Variants in TTC7A observed in about 807,000 individuals in gnomAD.
The protein encoded by TTC7A is tetratricopeptide repeat domain 7A, also known as tetratricopeptide repeat protein 7A.
A neutral mutation model predicts 103.7 loss-of-function variants in TTC7A; 110 were observed. The observed-to-expected ratio is 1.06, with a 90% confidence interval of 0.91 to 1.24. The LOEUF is 1.24. Ranked by LOEUF, TTC7A falls within the 50% of genes most tolerant of loss-of-function variation. The pLI is 0.00. For missense variants in TTC7A, 1,340 were observed against 1,116.3 expected (o/e 1.20, Z -2.86); for synonymous variants, 521 against 467.9 (o/e 1.11, Z -1.47).
chr2:47,058,074 G>T (rs1251985263), intron 18 of TTC7A, among the ~76,000 whole-genome samples: 1 of 152,196 alleles, frequency 6.6e-6, no homozygotes, highest in Non-Finnish European at 1.5e-5. Flanking sequence ...CAGCAAAGCG[G>T]AGAGGGAGAG....
chr2:47,037,346 A>G (rs1055841850), intron 15 of TTC7A, among the ~76,000 whole-genome samples: 5 of 152,156 alleles, frequency 3.3e-5, no homozygotes, highest in Non-Finnish European at 7.3e-5. Context: ...GCTGCTAGAC[A>G]ATGGGAGGGA....
intron 5 of TTC7A, among the ~76,000 whole-genome samples, chr2:46,982,882 GC>G (rs1674615387): frequency 1.3e-5 from 2 of 152,192 alleles, no homozygotes; most frequent in East Asian, 3.9e-4. Context: ...TAGGAAGATT[GC>G]TTGAGCCCAG....
chr2:46,951,420 A>C (rs1053663632), intron 2 of TTC7A, among the ~76,000 whole-genome samples: 6 of 152,128 alleles, frequency 3.9e-5, no homozygotes, highest in South Asian at 4.2e-4. Flanking sequence ...GTTAGATTAC[A>C]ATGTATCCTG....
intron 2 of TTC7A, among the ~76,000 whole-genome samples, chr2:46,923,833 A>C (rs1669239625): frequency 6.6e-6 from 1 of 152,052 alleles, no homozygotes; most frequent in Non-Finnish European, 1.5e-5. Flanking sequence ...CCCAGGTTCA[A>C]GCAAATCTCT....
chr2:46,946,590 A>C (rs1402581987), intron 1 of TTC7A, among the ~76,000 whole-genome samples: 1 of 151,956 alleles, frequency 6.6e-6, no homozygotes, highest in Non-Finnish European at 1.5e-5. Flanking sequence ...ACATCAGCTA[A>C]CTTTTTTTGT....
At chr2:46,965,822 A>G (rs1201738229) in intron 3 of TTC7A, among the ~76,000 whole-genome samples, 2 of 151,664 alleles carry the variant, frequency 1.3e-5, no homozygotes, top group Non-Finnish European at 2.9e-5. Flanking sequence ...CTCAGCCTCC[A>G]GGAGTACTGG....
intron 8 of TTC7A, chr2:46,999,451 A>G (rs770649243): frequency 8.1e-6 from 8 of 983,590 alleles, no homozygotes; most frequent in East Asian, 1.1e-4. Context: ...TCATCTGTCT[A>G]TCCACCCACC....
upstream of TTC7A, among the ~76,000 whole-genome samples, chr2:46,940,404 C>T (rs1670228413): frequency 6.6e-6 from 1 of 152,068 alleles, no homozygotes; most frequent in African/African-American, 2.4e-5. The surrounding 1 kb of genome is among the most constrained non-coding windows in gnomAD (Gnocchi z 4.7). Flanking sequence ...GCAGCGGGGC[C>T]GGGCCCCTGT....
chr2:46,935,775 G>A (rs1312916079), intron 2 of TTC7A, among the ~76,000 whole-genome samples: 11 of 152,066 alleles, frequency 7.2e-5, no homozygotes, highest in Non-Finnish European at 1.5e-5. Flanking sequence ...TCTTGTATTG[G>A]ACCCAAGCTC....
At position 46,941,796 on chromosome 2, in the gene TTC7A, C is replaced by T; in HGVS notation, c.184+71C>T. Reference sequence around the variant, plus strand: ...CGCACCGCCTCCTCCAGGAAGCGCGCCCAGACAGTCCTCGGCCGACAGCGG... The same window carrying T: ...CGCACCGCCTCCTCCAGGAAGCGCGTCCAGACAGTCCTCGGCCGACAGCGG... On this transcript the variant is annotated intron_variant, in intron 1 of 19. Coordinates refer to ENST00000319190, the MANE Select transcript of TTC7A (RefSeq NM_020458.4). The surrounding 1 kb of genome is among the most constrained non-coding windows in gnomAD (Gnocchi z 4.2). 6.5e-7 allele frequency: 1 copy of T among 1,530,152 alleles called. No individual in the cohort carries two copies. Among genetic ancestry groups the T allele is most frequent in the Non-Finnish European group, 8.8e-7 (1 of 1,132,676 alleles). 94.8% of individuals were successfully genotyped at this position (1,530,152 alleles called of 1,614,324 possible).
intron 13 of TTC7A, 69 bp from the exon 14 acceptor site, chr2:47,024,218 G>A: frequency 7.1e-7 from 1 of 1,400,918 alleles, no homozygotes; most frequent in South Asian, 1.3e-5. Context: ...CTGGCATGCT[G>A]GAGGCCCGAG....
chr2:47,021,537 C>T (rs1187252475), intron 11 of TTC7A, among the ~76,000 whole-genome samples: 1 of 152,226 alleles, frequency 6.6e-6, no homozygotes, highest in African/African-American at 2.4e-5. Flanking sequence ...GGCACATGTT[C>T]CTGAGGCCCA....
chr2:46,971,460 G>A (rs1673348599), intron 3 of TTC7A, among the ~76,000 whole-genome samples: 1 of 152,152 alleles, frequency 6.6e-6, no homozygotes, highest in Non-Finnish European at 1.5e-5. Context: ...CAGGTAAGGT[G>A]AGGGATGAGG....
At chr2:47,001,486 G>A (rs541388112) in intron 8 of TTC7A, among the ~76,000 whole-genome samples, 2 of 152,282 alleles carry the variant, frequency 1.3e-5, no homozygotes, top group African/African-American at 4.8e-5. Flanking sequence ...AGGGTGGGGG[G>A]TGGTCAGTGG....
chr2:47,068,722 C>G (rs974010859), intron 19 of TTC7A: 5 of 151,930 alleles, frequency 3.3e-5, no homozygotes, highest in African/African-American at 1.2e-4. Flanking sequence ...TGAGCCCTGG[C>G]TCAGGACTCT....
chr2:47,013,699 A>G (rs1001536909), intron 11 of TTC7A, among the ~76,000 whole-genome samples: 2 of 152,258 alleles, frequency 1.3e-5, no homozygotes, highest in African/African-American at 2.4e-5. Context: ...ACATGGTAAT[A>G]AAATTAGGAT....
At chr2:46,950,236 T>C in intron 1 of TTC7A, 127 bp from the exon 2 acceptor site, 2 of 872,900 alleles carry the variant, frequency 2.3e-6, no homozygotes, top group African/African-American at 1.7e-5. Flanking sequence ...AATGTGCCTT[T>C]ATTTTCTCAG....
chr2:46,973,223 T>TGAAGG (rs569858754), intron 3 of TTC7A, among the ~76,000 whole-genome samples: 16 of 151,972 alleles, frequency 1.1e-4, no homozygotes, highest in African/African-American at 3.9e-4. Context: ...AACAGCAAAG[T>TGAAGG]GAAGGGAAGG....
chr2:47,072,026 C>G (rs1055528683), intron 19 of TTC7A, among the ~76,000 whole-genome samples: 2 of 152,152 alleles, frequency 1.3e-5, no homozygotes, highest in Non-Finnish European at 2.9e-5. Context: ...TTGTGTCTGG[C>G]GGCCCGTCGG....
Sources: allele counts gnomAD v4.1 joint callset (sites outside exome capture counted in the v4.1 genomes callset), GRCh38; gene constraint gnomAD v4.1.1; non-coding constraint Gnocchi (gnomAD v3.1); transcripts MANE v1.5; gene names NCBI Gene and HGNC (gene_info 2026-07-23, HGNC 2026-07-21).